The following LDB2 variants were observed in gnomAD, a reference collection of about 807,000 sequenced individuals.
The protein encoded by LDB2 is LIM domain-binding protein 2.
Under a neutral mutation model 44.3 loss-of-function variants are expected in LDB2, and 12 were observed. The ratio of observed to expected loss-of-function variants is 0.27; its 90% CI spans 0.17 to 0.44. The LOEUF (loss-of-function observed/expected upper bound fraction) is 0.44. Among genes scored for constraint, LDB2 ranks in the 20% least tolerant of loss-of-function variants. LDB2 has a pLI of 1.00. For missense variants in LDB2, 344 were observed against 473.5 expected (o/e 0.73, Z 2.54); for synonymous variants, 164 against 174.8 (o/e 0.94, Z 0.49).
At chr4:16,870,140 G>T (rs539281949) in intron 1 of LDB2, among the ~76,000 whole-genome samples, 1 of 152,272 alleles carries the variant, frequency 6.6e-6, no homozygotes, top group East Asian at 1.9e-4. Flanking sequence ...GTGAAGGAAG[G>T]AGATGCAGAA....
chr4:16,722,017 C>A (rs1514644), intron 2 of LDB2, among the ~76,000 whole-genome samples: 59,236 of 151,906 alleles, frequency 0.39, 11,774 homozygotes, highest in Admixed American at 0.43. Context: ...AATGCTGTGT[C>A]CATGAGAGGC....
intron 5 of LDB2, among the ~76,000 whole-genome samples, chr4:16,517,122 A>C (rs1213222322): frequency 6.6e-6 from 1 of 152,172 alleles, no homozygotes; most frequent in Non-Finnish European, 1.5e-5. Flanking sequence ...TTGCTAGTCA[A>C]ATCCGTTGGG....
chr4:16,530,863 C>T (rs965462393), intron 5 of LDB2, among the ~76,000 whole-genome samples: 5 of 152,300 alleles, frequency 3.3e-5, no homozygotes, highest in Admixed American at 1.3e-4. Context: ...CATAGCTCTA[C>T]GACTTGGGTA....
chr4:16,553,020 C>T (rs956527802), intron 5 of LDB2, among the ~76,000 whole-genome samples: 2 of 152,154 alleles, frequency 1.3e-5, no homozygotes, highest in African/African-American at 4.8e-5. Context: ...CCAGTGTAGA[C>T]AACACAGCTC....
In LDB2 at chr4:16,739,614, ATATACATGTG is replaced by A. The variant is rs1561054508; in HGVS notation, c.235+19534_235+19543del. ...AATATATATATATATATATATGTAT[ATATACATGTG>A]TGTGTATATATGTATATATACATAT... On this transcript the variant is annotated intron_variant, in intron 2 of 7. Coordinates refer to ENST00000304523, the MANE Select transcript of LDB2 (RefSeq NM_001290.5). Among the ~76,000 whole-genome samples the A allele has an allele frequency of 2.7e-3, 230 of 85,056 alleles. 19 individuals are homozygous for A. Among genetic ancestry groups the A allele is most frequent in the African/African-American group, 0.01 (207 of 20,680 alleles). 55.8% of individuals were successfully genotyped at this position (85,056 alleles called of 152,430 possible).
chr4:16,666,114 T>G (rs1043584420), intron 2 of LDB2, among the ~76,000 whole-genome samples: 5 of 152,190 alleles, frequency 3.3e-5, no homozygotes, highest in Non-Finnish European at 7.3e-5. Flanking sequence ...GCCTGGATTG[T>G]GGTACTTTGT....
Position 16,588,786 on chromosome 4 carries a change from A to G in LDB2, c.455T>C (p.Leu152Pro). 6.2e-7 allele frequency: 1 copy of G among 1,613,996 alleles called. No individual in the cohort carries two copies. Among genetic ancestry groups the G allele is most frequent in the Non-Finnish European group, 8.5e-7 (1 of 1,179,856 alleles). Reference sequence around the variant, plus strand: ...AAAGTGCCATGTTTTGATTCTCATGAGATCATCAAAGGTGAACTCCAAGAT... The same window carrying G: ...AAAGTGCCATGTTTTGATTCTCATGGGATCATCAAAGGTGAACTCCAAGAT... ...RLILEFTFDD[L>P]MRIKTWHFTI... is the part of the protein sequence containing the mutation. Residue 152 changes from leucine to proline, a missense_variant, in exon 4 of 8, where the codon CTC (leucine) becomes CCC (proline). Physicochemically the swap from Leu to Pro is moderately conservative, Grantham distance 98. Around this residue, in one of 3 missense-constraint regions of LDB2, gnomAD observed 226 missense variants for 270.1 expected, o/e 0.84. Transcript: ENST00000304523.
chr4:16,511,354 G>A (rs964396555), intron 6 of LDB2, among the ~76,000 whole-genome samples: 3 of 152,128 alleles, frequency 2.0e-5, no homozygotes. Flanking sequence ...CCCAGCAGGA[G>A]ACTATAGTAT....
chr4:16,740,990 A>G (rs1051023198), intron 2 of LDB2, among the ~76,000 whole-genome samples: 1 of 152,228 alleles, frequency 6.6e-6, no homozygotes, highest in Admixed American at 6.5e-5. Context: ...ACATAAATCT[A>G]GCCTGTGGAA....
intron 1 of LDB2, among the ~76,000 whole-genome samples, chr4:16,882,075 C>G (rs1720307507): frequency 6.6e-6 from 1 of 152,196 alleles, no homozygotes; most frequent in African/African-American, 2.4e-5. Context: ...TGTCTCAGTA[C>G]CGCAATCCTG....
chr4:16,662,298 A>G (rs1741812096), intron 2 of LDB2, among the ~76,000 whole-genome samples: 1 of 152,172 alleles, frequency 6.6e-6, no homozygotes, highest in South Asian at 2.1e-4. Context: ...AACACAGAAG[A>G]CACTCAGTAA....
At chr4:16,859,782 T>C (rs1307458522) in intron 1 of LDB2, among the ~76,000 whole-genome samples, 1 of 152,230 alleles carries the variant, frequency 6.6e-6, no homozygotes, top group Non-Finnish European at 1.5e-5. Flanking sequence ...CAATGTTCAT[T>C]GACAATCTGC....
chr4:16,725,534 T>C (rs1300184469), intron 2 of LDB2, among the ~76,000 whole-genome samples: 2 of 152,054 alleles, frequency 1.3e-5, no homozygotes, highest in African/African-American at 4.8e-5. Context: ...TCAGCCCAAA[T>C]TGGCCAGACT....
chr4:16,838,735 G>A (rs1284376370), intron 1 of LDB2, among the ~76,000 whole-genome samples: 1 of 152,154 alleles, frequency 6.6e-6, no homozygotes, highest in Admixed American at 6.5e-5. Flanking sequence ...GTGAGGAAAA[G>A]GACATTAATC....
At chr4:16,645,919 A>G (rs1736672517) in intron 2 of LDB2, among the ~76,000 whole-genome samples, 2 of 152,230 alleles carry the variant, frequency 1.3e-5, no homozygotes, top group Admixed American at 6.5e-5. Context: ...TCTGAGAGCC[A>G]TTCCGGGTGG....
intron 2 of LDB2, among the ~76,000 whole-genome samples, chr4:16,656,260 A>T (rs1739838961): frequency 6.6e-6 from 1 of 152,142 alleles, no homozygotes; most frequent in Non-Finnish European, 1.5e-5. Context: ...ATATTGCCTT[A>T]ATTTGTTTCT....
intron 2 of LDB2, among the ~76,000 whole-genome samples, chr4:16,698,202 T>C (rs1051867029): frequency 6.6e-6 from 1 of 152,246 alleles, no homozygotes; most frequent in Non-Finnish European, 1.5e-5. Flanking sequence ...AGTTTTGTTT[T>C]TTATTTAATT....
At chr4:16,816,771 A>G (rs537780715) in intron 1 of LDB2, among the ~76,000 whole-genome samples, 1 of 152,120 alleles carries the variant, frequency 6.6e-6, no homozygotes, top group East Asian at 1.9e-4. Context: ...TTTGTCCTTC[A>G]CAACAAGAAG....
chr4:16,739,601 T>C lies in LDB2; in HGVS notation c.235+19557A>G, dbSNP rs1762582461. Among the ~76,000 whole-genome samples the C allele has an allele frequency of 2.3e-5, 2 of 87,768 alleles. 1 individual carries two copies. Among genetic ancestry groups the C allele is most frequent in the South Asian group, 6.6e-4 (2 of 3,042 alleles). 57.6% of individuals were successfully genotyped at this position (87,768 alleles called of 152,430 possible). On this transcript the variant is annotated intron_variant, in intron 2 of 7. Transcript: ENST00000304523. ...AAAAAAAAAAAAAAATATATATATA[T>C]ATATATATGTATATATACATGTGTG...
Sources: allele counts gnomAD v4.1 joint callset (sites outside exome capture counted in the v4.1 genomes callset), GRCh38; gene constraint gnomAD v4.1.1; regional missense constraint gnomAD v4.1.1; transcripts MANE v1.5; gene names NCBI Gene and HGNC (gene_info 2026-07-23, HGNC 2026-07-21).